CEP128: variants seen among roughly 807,000 people sequenced by gnomAD.
CEP128 encodes centrosomal protein 128kDa.
CEP128 carries 132 observed loss-of-function variants against 156.7 expected under a neutral mutation model. The ratio of observed to expected loss-of-function variants is 0.84; its 90% CI spans 0.73 to 0.97. CEP128 has a LOEUF of 0.97. Ranked by LOEUF, CEP128 falls within the 50% of genes least tolerant of loss-of-function variation. CEP128 has a pLI of 0.00. For synonymous variants in CEP128, 469 were observed against 448.9 expected (o/e 1.04, Z -0.57); for missense variants, 1,252 against 1,281.9 (o/e 0.98, Z 0.36).
chr14:80,844,592 G>C (rs1886506991), intron 9 of CEP128, among the ~76,000 whole-genome samples: 1 of 152,052 alleles, frequency 6.6e-6, no homozygotes, highest in African/African-American at 2.4e-5. Flanking sequence ...TTTTTCAAAA[G>C]GTAATATCCA....
chr14:80,559,299 G>A lies in CEP128; in HGVS notation c.2860C>T (p.Arg954Cys), dbSNP rs749569190. 10 of 1,598,128 alleles carry A rather than the reference G, an allele frequency of 6.3e-6. No individual in the cohort carries two copies. The highest frequency in any genetic ancestry group is 1.8e-5 in the Admixed American group (1 of 56,752). ...CTTACCGTTTCTAATGCAATTACAC[G>A]GTCCTGCAAAGAAAGCATAATATAT... Reference protein sequence around the residue: ...KDEEMGSLQDRVIALETSTQV... With the variant: ...KDEEMGSLQDCVIALETSTQV... Residue 954 changes from arginine to cysteine, a missense_variant, in exon 21 of 25, where the codon CGT becomes TGT. Arg to Cys is a radical substitution (Grantham distance 180, BLOSUM62 -3). Coordinates refer to ENST00000555265, the MANE Select transcript of CEP128 (RefSeq NM_152446.5).
downstream of CEP128, among the ~76,000 whole-genome samples, chr14:80,490,139 TA>T (rs1451849056): frequency 6.6e-6 from 1 of 152,050 alleles, no homozygotes; most frequent in Non-Finnish European, 1.5e-5. Flanking sequence ...CACTGTAAGA[TA>T]AAAGGCCAAG....
At chr14:80,868,934 C>T (rs1438437560) in intron 8 of CEP128, among the ~76,000 whole-genome samples, 1 of 152,076 alleles carries the variant, frequency 6.6e-6, no homozygotes, top group Non-Finnish European at 1.5e-5. Flanking sequence ...GGAGTCAATT[C>T]ATCAAGAGGA....
chr14:80,622,958 G>T (rs1010946574), intron 19 of CEP128, among the ~76,000 whole-genome samples: 2 of 152,030 alleles, frequency 1.3e-5, no homozygotes, highest in Non-Finnish European at 2.9e-5. Context: ...CCCATTGCTG[G>T]ATATATACCC....
At chr14:80,506,875 A>G (rs911409224) in intron 23 of CEP128, among the ~76,000 whole-genome samples, 1 of 152,108 alleles carries the variant, frequency 6.6e-6, no homozygotes, top group African/African-American at 2.4e-5. Flanking sequence ...CCCATGCCCC[A>G]ATCTCATGTT....
intron 13 of CEP128, among the ~76,000 whole-genome samples, chr14:80,796,517 C>A (rs1883489521): frequency 6.6e-6 from 1 of 152,046 alleles, no homozygotes; most frequent in African/African-American, 2.4e-5. Context: ...CTGTTAATAA[C>A]CCCTTGCTCA....
intron 12 of CEP128, among the ~76,000 whole-genome samples, chr14:80,833,799 A>G (rs1440464972): frequency 6.6e-6 from 1 of 152,194 alleles, no homozygotes; most frequent in Non-Finnish European, 1.5e-5. Context: ...CAGTGGGAAT[A>G]AGAAAGAGAA....
chr14:80,734,846 CAAAAAAAAAAA>C (rs397798792), intron 19 of CEP128, among the ~76,000 whole-genome samples: 1 of 62,072 alleles, frequency 1.6e-5, no homozygotes, highest in Non-Finnish European at 3.1e-5. Context: ...GACCCCATCT[CAAAAAAAAAAA>C]AAAAAAAAAA....
At chr14:80,648,375 G>A (rs966696802) in intron 19 of CEP128, among the ~76,000 whole-genome samples, 11 of 152,068 alleles carry the variant, frequency 7.2e-5, no homozygotes, top group African/African-American at 2.7e-4. Context: ...ATTAGTGGCT[G>A]CAACTAATCT....
chr14:80,911,002 T>A (rs899153269), intron 4 of CEP128, among the ~76,000 whole-genome samples: 1 of 152,192 alleles, frequency 6.6e-6, no homozygotes, highest in Non-Finnish European at 1.5e-5. Flanking sequence ...AATTTTAAAA[T>A]TCTCACAGAG....
intron 17 of CEP128, among the ~76,000 whole-genome samples, chr14:80,759,739 A>G (rs1325741590): frequency 6.6e-6 from 1 of 152,136 alleles, no homozygotes; most frequent in Non-Finnish European, 1.5e-5. Flanking sequence ...CCATGTCTGA[A>G]AGCCTATAAA....
At chr14:80,878,612 G>C (rs1888390537) in intron 8 of CEP128, among the ~76,000 whole-genome samples, 1 of 152,130 alleles carries the variant, frequency 6.6e-6, no homozygotes, top group South Asian at 2.1e-4. Context: ...CCCAACCCCA[G>C]GGCCTGAGCC....
intron 8 of CEP128, 50 bp downstream of exon 8, chr14:80,895,668 C>T (rs994224726): frequency 2.5e-5 from 33 of 1,294,116 alleles, no homozygotes; most frequent in Non-Finnish European, 3.3e-5. Flanking sequence ...GACCAGCCTA[C>T]CCATCCTCTA....
chr14:80,869,465 G>C (rs1457369044), intron 8 of CEP128, among the ~76,000 whole-genome samples: 1 of 151,900 alleles, frequency 6.6e-6, no homozygotes, highest in Non-Finnish European at 1.5e-5. Context: ...TTCTAAGAGG[G>C]AGTTTTATGG....
intron 9 of CEP128, among the ~76,000 whole-genome samples, chr14:80,855,476 T>C (rs1324326596): frequency 1.3e-5 from 2 of 151,924 alleles, no homozygotes; most frequent in African/African-American, 4.8e-5. Flanking sequence ...ATTTATAACA[T>C]CTAACAATAT....
At chr14:80,944,938 A>T (rs183586505), upstream of CEP128, among the ~76,000 whole-genome samples, 2 of 150,766 alleles carry the variant, frequency 1.3e-5, no homozygotes, top group African/African-American at 4.8e-5. Context: ...TCTTCATAGC[A>T]GGGTGAAAAC....
intron 19 of CEP128, among the ~76,000 whole-genome samples, chr14:80,580,953 TATTA>T: frequency 1.3e-5 from 2 of 152,264 alleles, no homozygotes; most frequent in South Asian, 2.1e-4. Context: ...CATAAAGTCT[TATTA>T]ATTATCATTT....
At chr14:80,917,945 A>G (rs34611247) in intron 2 of CEP128, among the ~76,000 whole-genome samples, 14,983 of 152,210 alleles carry the variant, frequency 0.098, 1,230 homozygotes, top group East Asian at 0.43. Context: ...GAAATAGCCA[A>G]CTTCTTCACA....
intron 8 of CEP128, among the ~76,000 whole-genome samples, chr14:80,894,412 T>C (rs1889246873): frequency 6.6e-6 from 1 of 151,980 alleles, no homozygotes; most frequent in South Asian, 2.1e-4. Flanking sequence ...ACTACTGCAA[T>C]TAACTAAGAA....
Sources: gnomAD v4.1 joint callset for allele counts (sites outside exome capture counted in the v4.1 genomes callset) on GRCh38, gnomAD v4.1.1 for gene constraint, MANE v1.5 for transcripts, NCBI Gene and HGNC (gene_info 2026-07-23, HGNC 2026-07-21) for gene names.